RASGRP3: variants seen among roughly 807,000 people sequenced by gnomAD.
RASGRP3 encodes RAS guanyl releasing protein 3.
Under a neutral mutation model 82.7 loss-of-function variants are expected in RASGRP3, and 54 were observed. The ratio of observed to expected loss-of-function variants is 0.65; its 90% CI spans 0.52 to 0.82. The LOEUF is 0.82. RASGRP3 is among the 40% of genes least tolerant of loss of function. The probability of loss-of-function intolerance (pLI) is 0.00; values close to 1 mark genes in which losing one functional copy is unlikely to be tolerated. For synonymous variants in RASGRP3, 309 were observed against 300.5 expected (o/e 1.03, Z -0.29); for missense variants, 861 against 828.9 (o/e 1.04, Z -0.48).
At chr2:33,465,452 G>A (rs182578347) in intron 2 of RASGRP3, among the ~76,000 whole-genome samples, 34 of 152,328 alleles carry the variant, frequency 2.2e-4, no homozygotes, top group African/African-American at 8.2e-4. Flanking sequence ...GAACCCAAGA[G>A]TTTGAGGCTA....
intron 1 of RASGRP3, among the ~76,000 whole-genome samples, chr2:33,443,747 G>A (rs189405740): frequency 8.3e-4 from 124 of 150,234 alleles, no homozygotes; most frequent in Middle Eastern, 3.4e-3. Context: ...TGGGCATGGT[G>A]GTACGTGCTT....
At chr2:33,443,466 G>C (rs941429841) in intron 1 of RASGRP3, among the ~76,000 whole-genome samples, 1 of 152,094 alleles carries the variant, frequency 6.6e-6, no homozygotes. Context: ...AAACATGTGT[G>C]GGCTGTTACA....
At chr2:33,512,514 A>G (rs551353528) in intron 2 of RASGRP3, among the ~76,000 whole-genome samples, 25 of 152,354 alleles carry the variant, frequency 1.6e-4, no homozygotes, top group African/African-American at 5.3e-4. Flanking sequence ...GTTCTGCCCC[A>G]GAATGTCTTG....
chr2:33,446,167 T>C (rs944363853), intron 1 of RASGRP3, among the ~76,000 whole-genome samples: 1 of 152,184 alleles, frequency 6.6e-6, no homozygotes, highest in African/African-American at 2.4e-5. Context: ...GTTTGTTTGT[T>C]TTGTTTTTGA....
chr2:33,533,517 A>C (rs916709901), intron 10 of RASGRP3: 1 of 152,242 alleles, frequency 6.6e-6, no homozygotes, highest in Admixed American at 6.5e-5. Context: ...CTTTACATGC[A>C]TTATTTCATT....
chr2:33,451,110 C>T (rs562053194), intron 2 of RASGRP3, among the ~76,000 whole-genome samples: 4 of 151,944 alleles, frequency 2.6e-5, no homozygotes, highest in South Asian at 2.1e-4. Flanking sequence ...GTGATCTGCC[C>T]GCCTCAGCCT....
chr2:33,481,577 A>C (rs1313631177), intron 1 of RASGRP3: 1 of 152,224 alleles, frequency 6.6e-6, no homozygotes, highest in Admixed American at 6.5e-5. Context: ...TTCTCTTCAG[A>C]TAGGCAAAGA....
intron 2 of RASGRP3, among the ~76,000 whole-genome samples, chr2:33,470,624 C>A (rs746078254): frequency 5.9e-5 from 9 of 152,196 alleles, no homozygotes; most frequent in Admixed American, 1.3e-4. Context: ...TGTGATCCAC[C>A]CTCCTCGGCC....
chr2:33,501,324 G>A (rs1669858716), intron 1 of RASGRP3, among the ~76,000 whole-genome samples: 2 of 151,952 alleles, frequency 1.3e-5, no homozygotes, highest in African/African-American at 4.8e-5. Flanking sequence ...TCCATTTGTC[G>A]ATTGATAGAC....
intron 2 of RASGRP3, among the ~76,000 whole-genome samples, chr2:33,466,650 G>A (rs951971478): frequency 1.3e-5 from 2 of 150,850 alleles, no homozygotes; most frequent in Non-Finnish European, 1.5e-5. Flanking sequence ...TTGCGCTGCC[G>A]TGTGGGCAAC....
At chr2:33,557,551 A>G (rs1676126723) in intron 15 of RASGRP3, among the ~76,000 whole-genome samples, 1 of 152,086 alleles carries the variant, frequency 6.6e-6, no homozygotes, top group Non-Finnish European at 1.5e-5. Flanking sequence ...CTACTAAAAA[A>G]TACAAAAAAT....
chr2:33,485,918 A>G (rs1205327488), intron 1 of RASGRP3, among the ~76,000 whole-genome samples: 1 of 152,224 alleles, frequency 6.6e-6, no homozygotes, highest in Non-Finnish European at 1.5e-5. Context: ...AAATTCTGCA[A>G]CTATTTGGAA....
chr2:33,532,348 C>A (rs558659652), intron 10 of RASGRP3: 1 of 152,120 alleles, frequency 6.6e-6, no homozygotes, highest in Non-Finnish European at 1.5e-5. Flanking sequence ...CATCACAAAC[C>A]GCACCTCTCC....
intron 7 of RASGRP3, among the ~76,000 whole-genome samples, chr2:33,522,464 A>T (rs1422657113): frequency 6.6e-6 from 1 of 152,212 alleles, no homozygotes; most frequent in Admixed American, 6.5e-5. Context: ...ATATTTAGTT[A>T]GGTTCGGATT....
upstream of RASGRP3, among the ~76,000 whole-genome samples, chr2:33,472,289 G>A (rs1468476330): frequency 6.6e-6 from 1 of 152,210 alleles, no homozygotes; most frequent in Non-Finnish European, 1.5e-5. Context: ...AATACAGAAA[G>A]AAATGCAACC....
chr2:33,487,499 G>A (rs1272324532), intron 1 of RASGRP3, among the ~76,000 whole-genome samples: 1 of 152,258 alleles, frequency 6.6e-6, no homozygotes, highest in South Asian at 2.1e-4. Context: ...GTTTTAATTT[G>A]AATAATCAGC....
chr2:33,519,080 CTT>C (rs1671746492), intron 4 of RASGRP3, among the ~76,000 whole-genome samples: 1 of 152,170 alleles, frequency 6.6e-6, no homozygotes, highest in East Asian at 1.9e-4. Context: ...GCACACTAGA[CTT>C]TTATATGACT....
intron 1 of RASGRP3, among the ~76,000 whole-genome samples, chr2:33,499,331 G>T (rs184060168): frequency 6.6e-6 from 1 of 152,162 alleles, no homozygotes; most frequent in Non-Finnish European, 1.5e-5. Context: ...ACCGAGGTGG[G>T]TGGATCGCCT....
At chr2:33,545,633 GCC>G (rs1674656916) in intron 13 of RASGRP3, among the ~76,000 whole-genome samples, 1 of 152,040 alleles carries the variant, frequency 6.6e-6, no homozygotes, top group African/African-American at 2.4e-5. Context: ...TGAAATCTGT[GCC>G]CATTCCTTTG....
Sources: allele counts gnomAD v4.1 joint callset (sites outside exome capture counted in the v4.1 genomes callset), GRCh38; gene constraint gnomAD v4.1.1; transcripts MANE v1.5; gene names NCBI Gene and HGNC (gene_info 2026-07-23, HGNC 2026-07-21).